Variants in XKR4 observed in about 807,000 individuals in gnomAD.
XKR4 encodes XK related 4.
A neutral mutation model predicts 53.9 loss-of-function variants in XKR4; 12 were observed. That is an observed-to-expected ratio of 0.22 (90% CI 0.14 to 0.36). The LOEUF is 0.36. Ranked by LOEUF, XKR4 falls within the 10% of genes least tolerant of loss-of-function variation. The probability of loss-of-function intolerance (pLI) is 1.00; values close to 1 mark genes in which losing one functional copy is unlikely to be tolerated. For synonymous variants in XKR4, 354 were observed against 362.4 expected, an observed-to-expected ratio of 0.98 and a Z score of 0.26; for missense variants, 799 against 859.5, an observed-to-expected ratio of 0.93 and a Z score of 0.88.
intron 2 of XKR4, among the ~76,000 whole-genome samples, chr8:55,433,619 T>C (rs909849513): frequency 1.3e-5 from 2 of 152,080 alleles, no homozygotes; most frequent in Non-Finnish European, 2.9e-5. Flanking sequence ...CTTAAACAAA[T>C]GAAACCTTTG....
intron 1 of XKR4, among the ~76,000 whole-genome samples, chr8:55,341,806 C>T (rs893756193): frequency 7.9e-5 from 12 of 152,038 alleles, no homozygotes; most frequent in Non-Finnish European, 1.5e-4. Flanking sequence ...GGATCCTTGG[C>T]CCCTGGGGCC....
intron 2 of XKR4, among the ~76,000 whole-genome samples, chr8:55,424,540 C>T (rs1050587910): frequency 2.6e-5 from 4 of 152,228 alleles, no homozygotes; most frequent in African/African-American, 9.6e-5. Context: ...ATAAAAGGCA[C>T]TGCTAAATAT....
intron 2 of XKR4, among the ~76,000 whole-genome samples, chr8:55,358,315 T>C (rs1803851443): frequency 6.6e-6 from 1 of 151,922 alleles, no homozygotes; most frequent in Non-Finnish European, 1.5e-5. Flanking sequence ...CCTTTTGATG[T>C]TGAGAGAGAG....
At position 55,364,901 on chromosome 8, in the gene XKR4, C is replaced by T. The variant is rs1285083494; in HGVS notation, c.1006+7024C>T. Among the ~76,000 whole-genome samples the T allele has an allele frequency of 3.3e-5, 5 of 152,336 alleles. No individual in the cohort carries two copies. The South Asian group carries it at 8.3e-4, about 25-fold the overall frequency. On this transcript the variant is annotated intron_variant, in intron 2 of 2. Coordinates refer to ENST00000327381, the MANE Select transcript of XKR4 (RefSeq NM_052898.2). Reference sequence around the variant, plus strand: ...TCGGCCACCCAAAGTGCTGGGATTACAGGCGTGAGCCACCACACCCGACCA... The same window carrying T: ...TCGGCCACCCAAAGTGCTGGGATTATAGGCGTGAGCCACCACACCCGACCA...
chr8:55,209,391 C>T (rs1469444972), intron 1 of XKR4, among the ~76,000 whole-genome samples: 1 of 152,168 alleles, frequency 6.6e-6, no homozygotes, highest in Non-Finnish European at 1.5e-5. Context: ...TAGAGTCTCA[C>T]CCTAGCTAGT....
Position 55,524,667 on chromosome 8 carries a change from T to G in XKR4, c.*440T>G, listed in dbSNP as rs1806856757. On this transcript the variant is annotated 3_prime_UTR_variant, in exon 3 of 3. Coordinates refer to ENST00000327381, the MANE Select transcript of XKR4 (RefSeq NM_052898.2). ...CTCTGTCAAAAAAGCTTAGGTGACT[T>G]TTCTTGATGCAAAGCTCTGATTCCC... is the stretch of plus-strand genomic sequence containing the variant. The G allele has an allele frequency of 6.4e-6, 1 of 155,788 alleles. No homozygotes were observed. The highest frequency in any genetic ancestry group is 1.4e-5 in the Non-Finnish European group (1 of 70,738). The allele number at this position is 155,788 out of a possible 1,614,324, so 9.7% of individuals were successfully genotyped here.
chr8:55,247,758 C>T (rs1246016492), intron 1 of XKR4, among the ~76,000 whole-genome samples: 3 of 152,088 alleles, frequency 2.0e-5, no homozygotes, highest in East Asian at 1.9e-4. Context: ...CTTTCTCTTA[C>T]GAGTTCCAGA....
At chr8:55,362,947 C>T (rs1506672) in intron 2 of XKR4, among the ~76,000 whole-genome samples, 80,941 of 151,984 alleles carry the variant, frequency 0.53, 21,775 homozygotes, top group Admixed American at 0.59. Context: ...TAAACCACAG[C>T]CCAGGCTAAG....
intron 1 of XKR4, among the ~76,000 whole-genome samples, chr8:55,105,986 G>A (rs1456469079): frequency 1.3e-5 from 2 of 152,126 alleles, no homozygotes; most frequent in African/African-American, 4.8e-5. Flanking sequence ...TAAATTAGAA[G>A]CATCCCTGTG....
In XKR4 at chr8:55,534,363, C is replaced by CTTTTTTTTTTTTTTTTTTTTTTTTTTTT. The variant is rs1160872780; in HGVS notation, c.*10137_*10164dup. Reference sequence around the variant, plus strand: ...GCTCAAAGATCACGAATCTGATATTCTTTTTTTTTTTTTTTTTTTTTTTTT... The same window carrying CTTTTTTTTTTTTTTTTTTTTTTTTTTTT: ...GCTCAAAGATCACGAATCTGATATTCTTTTTTTTTTTTTTTTTTTTTTTTTTTTTTTTTTTTTTTTTTTTTTTTTTTTT... On this transcript the variant is annotated 3_prime_UTR_variant, in exon 3 of 3. Transcript: ENST00000327381. 1.3e-4 allele frequency: 6 copies of CTTTTTTTTTTTTTTTTTTTTTTTTTTTT among 47,162 alleles called. 2 individuals are homozygous for CTTTTTTTTTTTTTTTTTTTTTTTTTTTT. The highest frequency in any genetic ancestry group is 8.6e-4 in the East Asian group (1 of 1,168). The allele number at this position is 47,162 out of a possible 1,614,324, so 2.9% of individuals were successfully genotyped here. A position where few individuals can be genotyped will look rare whatever the true frequency, so the allele number is the denominator to read the frequency against.
chr8:55,144,493 A>G (rs1816745457), intron 1 of XKR4, among the ~76,000 whole-genome samples: 1 of 152,170 alleles, frequency 6.6e-6, no homozygotes, highest in Non-Finnish European at 1.5e-5. Flanking sequence ...GCTCCAGGCA[A>G]CCGTTGCCAT....
intron 2 of XKR4, among the ~76,000 whole-genome samples, chr8:55,462,198 GA>G (rs1210133666): frequency 1.2e-4 from 18 of 152,292 alleles, no homozygotes; most frequent in Admixed American, 7.2e-4. Context: ...TGAAATGAAG[GA>G]AAAAATGTTA....
At chr8:55,292,542 TTTA>T (rs1819045328) in intron 1 of XKR4, among the ~76,000 whole-genome samples, 2 of 152,182 alleles carry the variant, frequency 1.3e-5, no homozygotes, top group African/African-American at 4.8e-5. Context: ...TCTCTCTTTT[TTTA>T]CCCAAACTTG....
intron 2 of XKR4, among the ~76,000 whole-genome samples, chr8:55,519,669 T>C (rs1806770722): frequency 6.6e-6 from 1 of 152,204 alleles, no homozygotes. Context: ...ATTGTTAATG[T>C]CAATTGGTGA....
At chr8:55,473,112 T>C (rs1157610518) in intron 2 of XKR4, among the ~76,000 whole-genome samples, 1 of 152,154 alleles carries the variant, frequency 6.6e-6, no homozygotes, top group Admixed American at 6.5e-5. Flanking sequence ...CCAGTCTTCC[T>C]TGGCCTGCCT....
chr8:55,453,648 C>T (rs144262083), intron 2 of XKR4: 62 of 422,296 alleles, frequency 1.5e-4, no homozygotes, highest in African/African-American at 1.0e-3. Flanking sequence ...CACTGCATGG[C>T]GCCCTCATCC....
chr8:55,449,981 G>C, intron 2 of XKR4: 1 of 826,358 alleles, frequency 1.2e-6, no homozygotes, highest in Non-Finnish European at 2.1e-6. Flanking sequence ...TCCTCCTGCA[G>C]GTACATACCC....
intron 1 of XKR4, among the ~76,000 whole-genome samples, chr8:55,260,334 A>G (rs1818505979): frequency 6.6e-6 from 1 of 152,230 alleles, no homozygotes; most frequent in African/African-American, 2.4e-5. Flanking sequence ...TGTGACCTCA[A>G]TTAAACAAGT....
At chr8:55,389,497 G>T (rs545296280) in intron 2 of XKR4, among the ~76,000 whole-genome samples, 1 of 152,150 alleles carries the variant, frequency 6.6e-6, no homozygotes, top group Non-Finnish European at 1.5e-5. Context: ...TATTTGTCTC[G>T]TGGAATCCAT....
Sources: gnomAD v4.1 joint callset for allele counts (sites outside exome capture counted in the v4.1 genomes callset) on GRCh38, gnomAD v4.1.1 for gene constraint, MANE v1.5 for transcripts, NCBI Gene and HGNC (gene_info 2026-07-23, HGNC 2026-07-21) for gene names.